Variants in SPAG17 observed in about 807,000 individuals in gnomAD.
SPAG17 encodes the protein sperm associated antigen 17, also known as sperm-associated antigen 17.
Under a neutral mutation model 273.6 loss-of-function variants are expected in SPAG17, and 169 were observed. The observed-to-expected ratio is 0.62, with a 90% CI of 0.55 to 0.70. The LOEUF is 0.70. Ranked by LOEUF, SPAG17 falls within the 30% of genes least tolerant of loss-of-function variation. The pLI, the probability that SPAG17 is intolerant of heterozygous loss-of-function variation, is 0.00. For synonymous variants in SPAG17, 825 were observed against 873.2 expected (o/e 0.94, Z 0.97); for missense variants, 2,557 against 2,627.8 (o/e 0.97, Z 0.59).
chr1:118,108,764 C>G (rs575183910), intron 4 of SPAG17, among the ~76,000 whole-genome samples: 1 of 151,262 alleles, frequency 6.6e-6, no homozygotes, highest in African/African-American at 2.4e-5. Flanking sequence ...TACTGTGAGA[C>G]GGCTTTGGAT....
In SPAG17 at chr1:118,074,600, T is replaced by C; in HGVS notation, c.2210A>G (p.Glu737Gly). ...MKAQPQHESL[E>G]QTTNNEIKDD... ...TTTGATCTCATTGTTTGTGGTCTGC[T>C]CTGCAAATCAAAGACACCAACATCC... The change falls in exon 16 of 49, where the codon GAG becomes GGG. Residue 737 changes from glutamate to glycine, a missense_variant and splice_region_variant. Coordinates refer to ENST00000336338, the MANE Select transcript of SPAG17 (RefSeq NM_206996.4). 6.2e-7 allele frequency: 1 copy of C among 1,613,462 alleles called. No homozygotes were observed. Among genetic ancestry groups the C allele is most frequent in the Non-Finnish European group, 8.5e-7 (1 of 1,179,610 alleles).
chr1:118,066,377 T>G (rs1372659465), intron 18 of SPAG17, among the ~76,000 whole-genome samples: 2 of 152,156 alleles, frequency 1.3e-5, no homozygotes, highest in Non-Finnish European at 2.9e-5. Flanking sequence ...GTTCCCCAGA[T>G]AAAATAGAGT....
intron 23 of SPAG17, among the ~76,000 whole-genome samples, chr1:118,038,664 T>C (rs998325049): frequency 6.6e-6 from 1 of 152,034 alleles, no homozygotes; most frequent in African/African-American, 2.4e-5. Context: ...ATGAAAAAAG[T>C]CAATCTGAAA....
At chr1:117,980,354 C>T (rs2101582559) in intron 43 of SPAG17, among the ~76,000 whole-genome samples, 1 of 152,212 alleles carries the variant, frequency 6.6e-6, no homozygotes, top group South Asian at 2.1e-4. Context: ...GCCTCAGGCT[C>T]CTCGGTAGCT....
chr1:118,091,842 G>A, intron 9 of SPAG17, 88 bp downstream of exon 9: 1 of 1,418,780 alleles, frequency 7.0e-7, no homozygotes, highest in Non-Finnish European at 1.0e-6. Flanking sequence ...TAGGTGAAGG[G>A]AGGCTGAAAG....
At chr1:118,149,774 A>C (rs924992284) in intron 3 of SPAG17, among the ~76,000 whole-genome samples, 4 of 152,258 alleles carry the variant, frequency 2.6e-5, no homozygotes, top group Non-Finnish European at 5.9e-5. Flanking sequence ...AGAAAGATTC[A>C]AAACTCTTTA....
intron 20 of SPAG17, among the ~76,000 whole-genome samples, chr1:118,043,196 T>G (rs1649971576): frequency 6.6e-6 from 1 of 152,196 alleles, no homozygotes; most frequent in Non-Finnish European, 1.5e-5. Flanking sequence ...AAAGACTTCC[T>G]GAAAATGGAA....
intron 3 of SPAG17, among the ~76,000 whole-genome samples, chr1:118,132,533 C>T (rs1658109912): frequency 6.6e-6 from 1 of 152,206 alleles, no homozygotes; most frequent in Admixed American, 6.5e-5. Flanking sequence ...CCATGGCAAA[C>T]TTCAAAATCT....
intron 48 of SPAG17, chr1:117,960,146 G>GTGTA (rs66538942): frequency 2.5e-5 from 3 of 119,004 alleles, no homozygotes; most frequent in African/African-American, 1.0e-4. Flanking sequence ...GTGTGTGTGT[G>GTGTA]TATGTGTATG....
chr1:118,052,281 A>G (rs1029247499), intron 20 of SPAG17, among the ~76,000 whole-genome samples: 1 of 151,646 alleles, frequency 6.6e-6, no homozygotes, highest in South Asian at 2.1e-4. Flanking sequence ...CATGACATTA[A>G]GTGAAATAAG....
chr1:118,057,406 A>G (rs575401000), intron 18 of SPAG17, among the ~76,000 whole-genome samples: 1 of 152,160 alleles, frequency 6.6e-6, no homozygotes, highest in South Asian at 2.1e-4. Context: ...TGTAACTCTT[A>G]ATCAGATCAT....
chr1:118,029,794 T>C (rs1648209339), intron 25 of SPAG17, among the ~76,000 whole-genome samples: 1 of 152,224 alleles, frequency 6.6e-6, no homozygotes, highest in South Asian at 2.1e-4. Context: ...TTTGTGGATA[T>C]TTGTTTTTTT....
intron 17 of SPAG17, among the ~76,000 whole-genome samples, chr1:118,070,964 C>T (rs1653517750): frequency 1.3e-5 from 2 of 152,124 alleles, no homozygotes; most frequent in Non-Finnish European, 2.9e-5. Flanking sequence ...TCCCTCATTA[C>T]CTAGCTCTCA....
At chr1:118,116,110 T>A (rs1264620874) in intron 3 of SPAG17, among the ~76,000 whole-genome samples, 1 of 152,154 alleles carries the variant, frequency 6.6e-6, no homozygotes, top group Non-Finnish European at 1.5e-5. Context: ...GACAGCCTGT[T>A]TTATGACTGT....
intron 7 of SPAG17, among the ~76,000 whole-genome samples, chr1:118,096,124 A>G (rs1410483567): frequency 1.3e-5 from 2 of 152,164 alleles, no homozygotes; most frequent in Non-Finnish European, 2.9e-5. Flanking sequence ...GAGAGTCTTT[A>G]TAACTCAAAC....
At chr1:118,008,269 T>C in intron 30 of SPAG17, 71 bp from the exon 31 acceptor site, 2 of 1,549,344 alleles carry the variant, frequency 1.3e-6, no homozygotes, top group Non-Finnish European at 1.8e-6. Context: ...AGCCTATTGA[T>C]TTTGCTGCTG....
At chr1:118,039,192 T>G (rs150596218) in intron 23 of SPAG17, 100 bp downstream of exon 23, 367 of 1,308,862 alleles carry the variant, frequency 2.8e-4, no homozygotes, top group African/African-American at 2.2e-3. Flanking sequence ...GGTAGAAACT[T>G]GAGAAAAAGA....
intron 7 of SPAG17, among the ~76,000 whole-genome samples, chr1:118,094,847 C>G (rs907429641): frequency 2.0e-5 from 3 of 152,138 alleles, no homozygotes; most frequent in African/African-American, 7.2e-5. Context: ...TAAAAGATTA[C>G]TACAGTTGGA....
chr1:118,107,618 C>G (rs1239445995), intron 4 of SPAG17, among the ~76,000 whole-genome samples: 1 of 152,022 alleles, frequency 6.6e-6, no homozygotes, highest in African/African-American at 2.4e-5. Flanking sequence ...CCTCAGACTC[C>G]CGAGTAGCTG....
Sources: gnomAD v4.1 joint callset for allele counts (sites outside exome capture counted in the v4.1 genomes callset) on GRCh38, gnomAD v4.1.1 for gene constraint, MANE v1.5 for transcripts, NCBI Gene and HGNC (gene_info 2026-07-23, HGNC 2026-07-21) for gene names.